EPHA10: variants seen among roughly 807,000 people sequenced by gnomAD.
EPHA10 encodes the protein ephrin type-A receptor 10.
In EPHA10, 120 loss-of-function variants were observed where a neutral mutation model predicts 109.7. The ratio of observed to expected loss-of-function variants is 1.09; its 90% CI spans 0.94 to 1.27. The LOEUF is 1.27. Ranked by LOEUF, EPHA10 falls within the 50% of genes most tolerant of loss-of-function variation. EPHA10 has a pLI of 0.00. For synonymous variants in EPHA10, 640 were observed against 618.9 expected (o/e 1.03, Z -0.51); for missense variants, 1,396 against 1,411.1 (o/e 0.99, Z 0.17).
chr1:37,715,894 C>G (rs570726988), downstream of EPHA10: 13 of 562,208 alleles, frequency 2.3e-5, no homozygotes, highest in African/African-American at 3.7e-5. Context: ...TCTGGACACC[C>G]CTGTCCTCGA....
At chr1:37,749,132 C>G (rs1646285021) in intron 5 of EPHA10, among the ~76,000 whole-genome samples, 1 of 150,756 alleles carries the variant, frequency 6.6e-6, no homozygotes, top group African/African-American at 2.4e-5. Flanking sequence ...CCATGTTGGC[C>G]AGGCTGGCTC....
At chr1:37,740,467 A>G (rs557538) in intron 5 of EPHA10, among the ~76,000 whole-genome samples, 52,434 of 151,582 alleles carry the variant, frequency 0.35, 9,045 homozygotes, top group East Asian at 0.48. Context: ...CACCACGCCC[A>G]GCTAATTTTT....
chr1:37,762,065 C>G lies in EPHA10; in HGVS notation c.190G>C (p.Val64Leu), dbSNP rs771975739. The G allele has an allele frequency of 1.4e-5, 23 of 1,589,210 alleles. No individual in the cohort carries two copies. The highest frequency in any genetic ancestry group is 1.7e-4 in the Middle Eastern group (1 of 5,958). ...CGGATGGGACGGTCGTGTTCATCCA[C>G]GCCGCTGATCTCCTCCCACTGGGGA... ...PSNGWEEISG[V>L]DEHDRPIRTY... is the part of the protein sequence containing the mutation. The change falls in exon 3 of 17, where the codon GTG becomes CTG. Residue 64 changes from valine (V) to leucine (L), a missense_variant. Val to Leu is a conservative substitution (Grantham distance 32). Transcript: ENST00000373048.
Position 37,754,270 on chromosome 1 carries a change from C to G in EPHA10, c.951G>C (p.Val317=). Residue 317 remains valine, a synonymous_variant, in exon 4 of 17, where the codon GTG becomes GTC. Coordinates refer to ENST00000373048, the MANE Select transcript of EPHA10 (RefSeq NM_001099439.2). The surrounding 1 kb of genome is among the most constrained non-coding windows in gnomAD (Gnocchi z 4.5). ...RALENASTFC[V]CQDSYARSPT... The stretch of plus-strand genomic sequence containing the variant: ...GTGAGCGCGCATAGCTGTCCTGGCA[C>G]ACGCAGAAGGTGGAGGCGTTTTCCA... 7.6e-7 allele frequency: 1 copy of G among 1,321,390 alleles called. No individual in the cohort carries two copies. The allele number at this position is 1,321,390 out of a possible 1,614,324, so 81.9% of individuals were successfully genotyped here.
At chr1:37,728,177 C>T (rs1348352835) in intron 7 of EPHA10, among the ~76,000 whole-genome samples, 3 of 152,248 alleles carry the variant, frequency 2.0e-5, no homozygotes, top group East Asian at 1.9e-4. Context: ...AATGGCAAGT[C>T]GTCCCCTGTG....
At chr1:37,721,097 G>C (rs1645786716) in intron 11 of EPHA10, among the ~76,000 whole-genome samples, 1 of 151,986 alleles carries the variant, frequency 6.6e-6, no homozygotes, top group South Asian at 2.1e-4. Flanking sequence ...TTCTAGGAGT[G>C]ATATTCTAGG....
chr1:37,754,493 C>A lies in EPHA10; in HGVS notation c.851-123G>T. 3.3e-6 allele frequency: 3 copies of A among 918,842 alleles called. No homozygotes were observed. Among genetic ancestry groups the A allele is most frequent in the Non-Finnish European group, 2.9e-6 (2 of 697,354 alleles). 56.9% of individuals were successfully genotyped at this position (918,842 alleles called of 1,614,324 possible). A position where few individuals can be genotyped will look rare whatever the true frequency, so the allele number is the denominator to read the frequency against. ...ATAGAAAAACAGTCAGGGGACTCAG[C>A]CACTCCAGTCAGCACTGCCCCGTGG... is the stretch of plus-strand genomic sequence containing the variant. On this transcript the variant is annotated intron_variant, in intron 3 of 16. Coordinates refer to ENST00000373048, the MANE Select transcript of EPHA10 (RefSeq NM_001099439.2). The surrounding 1 kb of genome is among the most constrained non-coding windows in gnomAD (Gnocchi z 4.5).
chr1:37,762,839 C>T lies in EPHA10; in HGVS notation c.117G>A (p.Leu39=). ...GCTCGGCCTGGGAGGCTTTGGAATCCAGGAGGATAACTAAGGAGAGGGGAA... is the reference window on the plus strand; with the variant it reads ...GCTCGGCCTGGGAGGCTTTGGAATCTAGGAGGATAACTAAGGAGAGGGGAA... ...RPGTAEEVIL[L]DSKASQAELG... Residue 39 remains leucine (L), a synonymous_variant, in exon 2 of 17, where the codon CTG becomes CTA. Transcript: ENST00000373048. 1 of 1,552,464 alleles carries T rather than the reference C, an allele frequency of 6.4e-7. No individual in the cohort carries two copies. The highest frequency in any genetic ancestry group is 1.2e-5 in the South Asian group (1 of 83,894).
chr1:37,718,645 G>A lies in EPHA10; in HGVS notation c.2912+16C>T, dbSNP rs755469597. ...ATCCCCCAGCCCCGGCCTTGACCTT[G>A]GTGCCTTGGACTCACTGGGCAGTCA... On this transcript the variant is annotated intron_variant, in intron 16 of 16. Coordinates refer to ENST00000373048, the MANE Select transcript of EPHA10 (RefSeq NM_001099439.2). The A allele has an allele frequency of 5.0e-6, 8 of 1,613,130 alleles. No homozygotes were observed. The highest frequency in any genetic ancestry group is 2.2e-5 in the South Asian group (2 of 91,080).
At chr1:37,720,657 T>A in intron 12 of EPHA10, 103 bp from the exon 13 acceptor site, 11 of 1,533,724 alleles carry the variant, frequency 7.2e-6, no homozygotes, top group Non-Finnish European at 9.8e-6. Flanking sequence ...TAGTTCACCC[T>A]GTGACCACAG....
At chr1:37,760,793 C>T (rs1646422933) in intron 3 of EPHA10, 2 of 188,336 alleles carry the variant, frequency 1.1e-5, no homozygotes, top group Non-Finnish European at 2.2e-5. Context: ...ATAAGAATGA[C>T]TTCCTTTAGG....
At chr1:37,752,521 G>A (rs1190800731) in intron 5 of EPHA10, among the ~76,000 whole-genome samples, 3 of 152,160 alleles carry the variant, frequency 2.0e-5, no homozygotes, top group Non-Finnish European at 4.4e-5. Flanking sequence ...GAAATCAGCG[G>A]CGAGGCCAAC....
At chr1:37,762,229 C>T in intron 2 of EPHA10, 146 bp from the exon 3 acceptor site, 1 of 748,022 alleles carries the variant, frequency 1.3e-6, no homozygotes, top group Middle Eastern at 3.9e-4. Context: ...ACTTTGGAAA[C>T]AAATGATCCC....
Position 37,720,359 on chromosome 1 carries a change from T to G in EPHA10, c.2404A>C (p.Thr802Pro). ...GCTGGGGGCGCCCTCACCATAGTGG[T>G]GTAGACAGCCTCTGATCGGTCCCGG... ...GPRDRSEAVY[T>P]TMSGRSPALW... is the part of the protein sequence containing the mutation. The change falls in exon 13 of 17, where the codon ACC (threonine) becomes CCC (proline). Residue 802 changes from threonine to proline, a missense_variant. Physicochemically the swap from Thr to Pro is conservative, Grantham distance 38 (BLOSUM62 -1). Transcript: ENST00000373048. 1 of 1,605,796 alleles carries G rather than the reference T, an allele frequency of 6.2e-7. No homozygotes were observed. Among genetic ancestry groups the G allele is most frequent in the Non-Finnish European group, 8.5e-7 (1 of 1,177,124 alleles).
Position 37,761,407 on chromosome 1 carries a change from T to C in EPHA10, c.848A>G (p.Glu283Gly). ...AGFQERGDFCEACPPGFYKVS... is the reference protein window; with the variant it reads ...AGFQERGDFCGACPPGFYKVS... ...ACGGCCCCCAGCCAACTGGATACCT[T>C]CGCAGAAGTCACCACGCTCCTGGAA... Residue 283 changes from glutamate (E) to glycine (G), a missense_variant and splice_region_variant, in exon 3 of 17, where the codon GAA (glutamate) becomes GGA (glycine). Physicochemically the swap from Glu to Gly is moderately conservative, Grantham distance 98 (BLOSUM62 -2). Coordinates refer to ENST00000373048, the MANE Select transcript of EPHA10 (RefSeq NM_001099439.2). 1 of 1,598,882 alleles carries C rather than the reference T, an allele frequency of 6.3e-7. No individual in the cohort carries two copies. Among genetic ancestry groups the C allele is most frequent in the Non-Finnish European group, 8.5e-7 (1 of 1,179,612 alleles).
chr1:37,728,117 G>A (rs1320752750), intron 7 of EPHA10, among the ~76,000 whole-genome samples: 1 of 152,224 alleles, frequency 6.6e-6, no homozygotes, highest in Non-Finnish European at 1.5e-5. Flanking sequence ...ACTGGACCTG[G>A]AGACTGGAAG....
chr1:37,755,674 T>C (rs1161421646), intron 3 of EPHA10, among the ~76,000 whole-genome samples: 1 of 152,118 alleles, frequency 6.6e-6, no homozygotes, highest in African/African-American at 2.4e-5. Context: ...TGTTGGAGGA[T>C]TGAGATAAAA....
intron 8 of EPHA10, among the ~76,000 whole-genome samples, chr1:37,726,454 C>G (rs1645893487): frequency 1.3e-5 from 2 of 152,346 alleles, no homozygotes; most frequent in Non-Finnish European, 2.9e-5. Flanking sequence ...GCCCGCCCAG[C>G]CTGGGACCCA....
intron 10 of EPHA10, 76 bp from the exon 11 acceptor site, chr1:37,721,921 A>C: frequency 2.9e-6 from 4 of 1,375,246 alleles, no homozygotes; most frequent in Non-Finnish European, 3.8e-6. Flanking sequence ...GCCGAGGAGA[A>C]AGTGACTCTG....
Sources: allele counts gnomAD v4.1 joint callset (sites outside exome capture counted in the v4.1 genomes callset), GRCh38; gene constraint gnomAD v4.1.1; non-coding constraint Gnocchi (gnomAD v3.1); transcripts MANE v1.5; gene names NCBI Gene and HGNC (gene_info 2026-07-23, HGNC 2026-07-21).